The following SESTD1 variants were observed in gnomAD, a reference collection of about 807,000 sequenced individuals.
SESTD1 encodes the protein SEC14 domain and spectrin repeat-containing protein 1.
Under a neutral mutation model 101.7 loss-of-function variants are expected in SESTD1, and 43 were observed. The observed-to-expected ratio is 0.42, with a 90% CI of 0.33 to 0.55. SESTD1 has a LOEUF of 0.55. Ranked by LOEUF, SESTD1 falls within the 20% of genes least tolerant of loss-of-function variation. The pLI is 0.07. For synonymous variants in SESTD1, 283 were observed against 286.8 expected (o/e 0.99, Z 0.13); for missense variants, 647 against 815.1 (o/e 0.79, Z 2.51).
At chr2:179,190,448 C>T (rs2046303418) in intron 2 of SESTD1, among the ~76,000 whole-genome samples, 1 of 151,902 alleles carries the variant, frequency 6.6e-6, no homozygotes, top group Non-Finnish European at 1.5e-5. Flanking sequence ...TAGAAGAAAA[C>T]CTAGGAAATA....
intron 13 of SESTD1, 98 bp from the exon 14 acceptor site, chr2:179,117,711 A>ATACTT: frequency 1.1e-6 from 1 of 935,446 alleles, no homozygotes; most frequent in Middle Eastern, 2.2e-4. Flanking sequence ...GTACACTAAA[A>ATACTT]TACTTAGTCC....
In SESTD1 at chr2:179,109,822, G is replaced by T; in HGVS notation, c.*77C>A. On this transcript the variant is annotated 3_prime_UTR_variant, in exon 18 of 18. Transcript: ENST00000428443. ...ATTTTGGCTGTGAAATGCATCTTAA[G>T]GTGTGGTGGCTAATGCTGTAGTATG... 1 of 1,536,274 alleles carries T rather than the reference G, an allele frequency of 6.5e-7. No homozygotes were observed. The highest frequency in any genetic ancestry group is 8.8e-7 in the Non-Finnish European group (1 of 1,134,848).
intron 10 of SESTD1, among the ~76,000 whole-genome samples, chr2:179,126,284 A>C (rs953035024): frequency 1.3e-5 from 2 of 152,138 alleles, no homozygotes; most frequent in African/African-American, 4.8e-5. Context: ...CCATCTTGCC[A>C]CAAATCCAAT....
intron 6 of SESTD1, among the ~76,000 whole-genome samples, chr2:179,150,604 G>A (rs906952574): frequency 2.0e-5 from 3 of 151,800 alleles, no homozygotes; most frequent in Non-Finnish European, 4.4e-5. Flanking sequence ...GGTGGATCAC[G>A]AGGTCAAGAG....
intron 1 of SESTD1, among the ~76,000 whole-genome samples, chr2:179,234,857 C>T (rs1377370590): frequency 6.6e-6 from 1 of 151,306 alleles, no homozygotes; most frequent in Non-Finnish European, 1.5e-5. Context: ...GTCTGTAATC[C>T]CAGTACTTTG....
chr2:179,117,707 T>TA, intron 13 of SESTD1, 94 bp from the exon 14 acceptor site: 1 of 963,400 alleles, frequency 1.0e-6, no homozygotes, highest in Non-Finnish European at 1.5e-6. Context: ...TATAGTACAC[T>TA]AAAATACTTA....
chr2:179,171,687 T>C (rs2045933097), intron 5 of SESTD1, among the ~76,000 whole-genome samples: 1 of 152,060 alleles, frequency 6.6e-6, no homozygotes, highest in African/African-American at 2.4e-5. Flanking sequence ...AAATAAAAAG[T>C]CAGTAGGAAA....
rs189054814 is a variant in SESTD1 at position 179,188,676 on chromosome 2, T to A, written c.55+3111A>T. Among the ~76,000 whole-genome samples, 18 of 151,468 alleles carry A rather than the reference T, an allele frequency of 1.2e-4. 1 individual carries two copies. The East Asian group carries it at 3.5e-3, about 29-fold the overall frequency. On this transcript the variant is annotated intron_variant, in intron 2 of 17. Coordinates refer to ENST00000428443, the MANE Select transcript of SESTD1 (RefSeq NM_178123.5). The stretch of plus-strand genomic sequence containing the variant: ...GGGGTGGGGGGCTGACAACACCAAA[T>A]GATACACAAGATCAACAGACCACTA...
chr2:179,176,951 T>C (rs1339715107), intron 3 of SESTD1, among the ~76,000 whole-genome samples: 1 of 152,204 alleles, frequency 6.6e-6, no homozygotes, highest in African/African-American at 2.4e-5. Flanking sequence ...AAGTATAAGA[T>C]TTGTGAAGTC....
intron 1 of SESTD1, among the ~76,000 whole-genome samples, chr2:179,236,763 T>C (rs2047074737): frequency 6.6e-6 from 1 of 151,414 alleles, no homozygotes; most frequent in African/African-American, 2.4e-5. Flanking sequence ...TTTTTTTTTT[T>C]TTTTAATTTT....
In SESTD1 at chr2:179,102,209, G is replaced by A. The variant is rs2044287675; in HGVS notation, c.*7690C>T. On this transcript the variant is annotated 3_prime_UTR_variant, in exon 18 of 18. Coordinates refer to ENST00000428443, the MANE Select transcript of SESTD1 (RefSeq NM_178123.5). Reference sequence around the variant, plus strand: ...ACTTCTGTGCCAAGCCTGTGGGAAGGGATTGTTGGGGTCACGGGAGAGGGA... The same window carrying A: ...ACTTCTGTGCCAAGCCTGTGGGAAGAGATTGTTGGGGTCACGGGAGAGGGA... The A allele has an allele frequency of 6.6e-6, 1 of 152,044 alleles. No homozygotes were observed. Among genetic ancestry groups the A allele is most frequent in the African/African-American group, 2.4e-5 (1 of 41,402 alleles). 9.4% of individuals were successfully genotyped at this position (152,044 alleles called of 1,614,324 possible).
intron 5 of SESTD1, among the ~76,000 whole-genome samples, chr2:179,171,253 A>G (rs1256131298): frequency 6.6e-6 from 1 of 152,214 alleles, no homozygotes; most frequent in South Asian, 2.1e-4. Flanking sequence ...GAATAAAACC[A>G]TGTATTTTTA....
intron 1 of SESTD1, among the ~76,000 whole-genome samples, chr2:179,197,566 C>T (rs1449103324): frequency 1.1e-4 from 17 of 152,310 alleles, no homozygotes; most frequent in African/African-American, 2.6e-4. Context: ...AGAGAAAGGT[C>T]GGGTTACCCT....
chr2:179,146,013 C>G (rs2045387016), intron 8 of SESTD1, among the ~76,000 whole-genome samples: 1 of 151,612 alleles, frequency 6.6e-6, no homozygotes, highest in Non-Finnish European at 1.5e-5. Context: ...TCCCCCCACC[C>G]CCACCCTGGG....
chr2:179,121,059 A>AAAGT (rs1213171298), intron 13 of SESTD1, among the ~76,000 whole-genome samples: 4 of 152,262 alleles, frequency 2.6e-5, no homozygotes, highest in African/African-American at 7.2e-5. Context: ...TGACAGAATA[A>AAAGT]AAGTAAGTTT....
intron 10 of SESTD1, among the ~76,000 whole-genome samples, chr2:179,127,793 CATAGA>C (rs2044909634): frequency 6.6e-6 from 1 of 152,124 alleles, no homozygotes; most frequent in Admixed American, 6.5e-5. Context: ...CAATAACAAG[CATAGA>C]ATATTTTTAA....
chr2:179,237,323 C>CTCCTGGTTTT (rs1489169378), intron 1 of SESTD1, among the ~76,000 whole-genome samples: 1 of 152,088 alleles, frequency 6.6e-6, no homozygotes, highest in Non-Finnish European at 1.5e-5. Flanking sequence ...ATACCCCATT[C>CTCCTGGTTTT]TCCTGGTTTT....
intron 1 of SESTD1, among the ~76,000 whole-genome samples, chr2:179,230,119 T>C (rs1287285849): frequency 4.3e-4 from 15 of 34,862 alleles, no homozygotes; most frequent in African/African-American, 1.4e-3. Context: ...ATCTCTTTTT[T>C]TTTTTTTTTT....
At chr2:179,172,373 T>C (rs2045942382) in intron 4 of SESTD1, 140 bp from the exon 5 acceptor site, 3 of 513,176 alleles carry the variant, frequency 5.8e-6, no homozygotes, top group Non-Finnish European at 1.0e-5. Context: ...AGAAATTCTC[T>C]AGACTTCAAA....
Sources: allele counts gnomAD v4.1 joint callset (sites outside exome capture counted in the v4.1 genomes callset), GRCh38; gene constraint gnomAD v4.1.1; transcripts MANE v1.5; gene names NCBI Gene and HGNC (gene_info 2026-07-23, HGNC 2026-07-21).